The following ANAPC10 variants were observed in gnomAD, a reference collection of about 807,000 sequenced individuals.
ANAPC10 encodes anaphase-promoting complex subunit 10.
Under a neutral mutation model 22.0 loss-of-function variants are expected in ANAPC10, and 12 were observed. That is an observed-to-expected ratio of 0.55 (90% CI 0.35 to 0.88). ANAPC10 has a LOEUF of 0.88. Ranked by LOEUF, ANAPC10 falls within the 40% of genes least tolerant of loss-of-function variation. The probability of loss-of-function intolerance (pLI) is 0.01; values close to 1 mark genes in which losing one functional copy is unlikely to be tolerated. For synonymous variants in ANAPC10, 65 were observed against 69.5 expected, an observed-to-expected ratio of 0.94 and a Z score of 0.32; for missense variants, 188 against 220.9, an observed-to-expected ratio of 0.85 and a Z score of 0.94.
rs150530819 is a variant in ANAPC10, at chr4:145,008,310, G to C, written c.328-12707C>G. On this transcript the variant is annotated intron_variant, in intron 4 of 4. Transcript: ENST00000507656. ...GAAACTATTCCAATCAATAGAAAAAGAGGGAATCCTCCCTACCTCATTTGA... is the reference window on the plus strand; with the variant it reads ...GAAACTATTCCAATCAATAGAAAAACAGGGAATCCTCCCTACCTCATTTGA... 2.9e-3 allele frequency among the ~76,000 whole-genome samples: 449 copies of C among 152,256 alleles called. 2 individuals are homozygous for C. The highest frequency in any genetic ancestry group is 0.01 in the African/African-American group (420 of 41,566).
At chr4:145,017,043 T>C (rs1578919961) in intron 4 of ANAPC10, among the ~76,000 whole-genome samples, 1 of 152,172 alleles carries the variant, frequency 6.6e-6, no homozygotes, top group Non-Finnish European at 1.5e-5. Context: ...GGCATTACCA[T>C]TCAGGACATA....
intron 4 of ANAPC10, among the ~76,000 whole-genome samples, chr4:145,050,982 T>C: frequency 6.6e-6 from 1 of 152,256 alleles, no homozygotes; most frequent in East Asian, 1.9e-4. Context: ...TTCCCTTATA[T>C]TCACAACTTC....
chr4:145,009,368 T>C (rs974970199), intron 4 of ANAPC10, among the ~76,000 whole-genome samples: 1 of 152,164 alleles, frequency 6.6e-6, no homozygotes, highest in Admixed American at 6.5e-5. Flanking sequence ...AGAGCCCACA[T>C]TGCCAAGTCA....
intron 4 of ANAPC10, among the ~76,000 whole-genome samples, chr4:145,042,675 A>T (rs1156711496): frequency 6.6e-6 from 1 of 152,152 alleles, no homozygotes; most frequent in African/African-American, 2.4e-5. Flanking sequence ...AAGAACCAAC[A>T]AATGTTTCAC....
At chr4:145,009,302 T>A (rs1033457918) in intron 4 of ANAPC10, among the ~76,000 whole-genome samples, 2 of 152,158 alleles carry the variant, frequency 1.3e-5, no homozygotes, top group Non-Finnish European at 2.9e-5. Flanking sequence ...AAACTACCAA[T>A]GACTTTCTTC....
intron 4 of ANAPC10, chr4:145,063,882 T>G (rs1213986404): frequency 6.6e-6 from 1 of 152,104 alleles, no homozygotes; most frequent in Non-Finnish European, 1.5e-5. Flanking sequence ...CCTGTATGAC[T>G]CTGTTCATAT....
At chr4:145,072,399 G>T (rs1434620160) in intron 3 of ANAPC10, among the ~76,000 whole-genome samples, 1 of 152,076 alleles carries the variant, frequency 6.6e-6, no homozygotes, top group Non-Finnish European at 1.5e-5. Context: ...TACATAAATC[G>T]AGAGTTGCTT....
At chr4:144,997,164 T>G (rs567765119) in intron 4 of ANAPC10, among the ~76,000 whole-genome samples, 1 of 152,300 alleles carries the variant, frequency 6.6e-6, no homozygotes, top group Admixed American at 6.5e-5. Flanking sequence ...AAATCACTCT[T>G]CAGGATATTG....
At chr4:145,012,158 ATGTATATGTGTGTG>A (rs1734416935) in intron 4 of ANAPC10, among the ~76,000 whole-genome samples, 1 of 139,880 alleles carries the variant, frequency 7.1e-6, no homozygotes, top group Non-Finnish European at 1.6e-5. Context: ...TACAAGCTAT[ATGTATATGTGTGTG>A]TGTGTATATA....
In ANAPC10 at chr4:145,031,453, C is replaced by A. The variant is rs1461225820; in HGVS notation, c.327+33119G>T. Among the ~76,000 whole-genome samples the A allele has an allele frequency of 2.6e-5, 4 of 152,156 alleles. No homozygotes were observed. In the East Asian group the frequency reaches 7.7e-4, roughly 29 times the overall value. ...GAAGGATAAGTTGCTGCATTTGGCC[C>A]CTCCTACAACCAAGAAAGAGGCACG... On this transcript the variant is annotated intron_variant, in intron 4 of 4. Transcript: ENST00000507656.
intron 4 of ANAPC10, among the ~76,000 whole-genome samples, chr4:145,050,351 G>GT (rs1288730769): frequency 1.3e-5 from 2 of 152,204 alleles, no homozygotes; most frequent in Non-Finnish European, 2.9e-5. Context: ...CAGATGTGCT[G>GT]TCATCCAGGC....
At chr4:145,001,287 A>G (rs1732532486) in intron 4 of ANAPC10, among the ~76,000 whole-genome samples, 1 of 152,066 alleles carries the variant, frequency 6.6e-6, no homozygotes. Context: ...AAAGAAAAGA[A>G]AAGAAATTAA....
chr4:145,087,413 G>A (rs1747056262), intron 2 of ANAPC10, among the ~76,000 whole-genome samples: 1 of 151,970 alleles, frequency 6.6e-6, no homozygotes, highest in Admixed American at 6.6e-5. Flanking sequence ...CTGGAGTACA[G>A]TGGTACGATC....
At chr4:145,094,690 C>T (rs890768705) in intron 2 of ANAPC10, among the ~76,000 whole-genome samples, 1 of 151,750 alleles carries the variant, frequency 6.6e-6, no homozygotes, top group African/African-American at 2.4e-5. Context: ...TGAAAACTGC[C>T]TATAAAATTA....
chr4:144,998,347 C>A (rs550318108), intron 4 of ANAPC10, among the ~76,000 whole-genome samples: 1 of 152,210 alleles, frequency 6.6e-6, no homozygotes, highest in East Asian at 1.9e-4. Context: ...CACTCCTCAG[C>A]AAATATAAAA....
At chr4:145,032,795 T>C (rs1465148569) in intron 4 of ANAPC10, among the ~76,000 whole-genome samples, 1 of 152,218 alleles carries the variant, frequency 6.6e-6, no homozygotes, top group East Asian at 1.9e-4. Context: ...GCCAGCTACC[T>C]GGTGGCAGGT....
chr4:145,088,658 C>T (rs1747233044), intron 2 of ANAPC10, among the ~76,000 whole-genome samples: 1 of 152,164 alleles, frequency 6.6e-6, no homozygotes, highest in Non-Finnish European at 1.5e-5. Context: ...ACATAAATTA[C>T]TATAACATCA....
intron 4 of ANAPC10, among the ~76,000 whole-genome samples, chr4:144,997,752 G>A (rs1489456460): frequency 6.6e-6 from 1 of 152,042 alleles, no homozygotes; most frequent in Non-Finnish European, 1.5e-5. Context: ...AATGTAAATG[G>A]GCTAAATGCT....
At chr4:145,086,674 A>T (rs1159896599) in intron 2 of ANAPC10, among the ~76,000 whole-genome samples, 1 of 152,076 alleles carries the variant, frequency 6.6e-6, no homozygotes, top group Non-Finnish European at 1.5e-5. Context: ...TGTTCAGTAC[A>T]GGGGATGTCC....
Sources: gnomAD v4.1 joint callset for allele counts (sites outside exome capture counted in the v4.1 genomes callset) on GRCh38, gnomAD v4.1.1 for gene constraint, MANE v1.5 for transcripts, NCBI Gene and HGNC (gene_info 2026-07-23, HGNC 2026-07-21) for gene names.